DNAH6: variants seen among roughly 807,000 people sequenced by gnomAD.
DNAH6 encodes axonemal beta dynein heavy chain 6.
In DNAH6, 340 loss-of-function variants were observed where a neutral mutation model predicts 491.4. The observed-to-expected ratio is 0.69, with a 90% CI of 0.63 to 0.76. The LOEUF (loss-of-function observed/expected upper bound fraction) is 0.76, where lower values mean the gene tolerates loss of function less well. DNAH6 is among the 30% of genes least tolerant of loss of function. The probability of loss-of-function intolerance (pLI) is 0.00; values close to 1 mark genes in which losing one functional copy is unlikely to be tolerated. For missense variants in DNAH6, 4,443 were observed against 4,972.2 expected (o/e 0.89, Z 3.20); for synonymous variants, 1,603 against 1,686.1 (o/e 0.95, Z 1.21).
chr2:84,607,185 T>C, intron 21 of DNAH6, 90 bp downstream of exon 21: 14 of 1,287,118 alleles, frequency 1.1e-5, no homozygotes, highest in Non-Finnish European at 1.5e-5. Flanking sequence ...TTAAATATTA[T>C]ATGGTTTTAA....
intron 64 of DNAH6, chr2:84,778,259 G>C (rs551116615): frequency 3.5e-5 from 21 of 599,904 alleles, no homozygotes; most frequent in African/African-American, 3.3e-4. Context: ...AGGAATGCAT[G>C]TCCGGCGGGC....
chr2:84,583,893 C>T, intron 14 of DNAH6, 106 bp from the exon 15 acceptor site: 1 of 1,172,120 alleles, frequency 8.5e-7, no homozygotes, highest in Non-Finnish European at 1.2e-6. Context: ...GCAGAACAGA[C>T]TAATACAATG....
At position 84,621,228 on chromosome 2, in the gene DNAH6, T is replaced by C; in HGVS notation, c.3830T>C (p.Val1277Ala). 6.4e-7 allele frequency: 1 copy of C among 1,551,602 alleles called. No homozygotes were observed. The highest frequency in any genetic ancestry group is 8.7e-7 in the Non-Finnish European group (1 of 1,146,884). Residue 1277 changes from valine (V) to alanine (A), a missense_variant, in exon 25 of 77, where the codon GTA becomes GCA. Around this residue, in one of 3 missense-constraint regions of DNAH6, gnomAD observed 2,977 missense variants for 3,296.6 expected, o/e 0.90. Transcript: ENST00000389394. ...AAAGGCCTCAAGGCCCGAGGCAATG[T>C]AGAGGAATGGCTTGGTAAAGTGGAA... ...LGKGLKARGN[V>A]EEWLGKVEEA...
At chr2:84,583,853 C>A (rs1683282031) in intron 14 of DNAH6, 146 bp from the exon 15 acceptor site, 1 of 813,518 alleles carries the variant, frequency 1.2e-6, no homozygotes, top group African/African-American at 1.7e-5. Context: ...TATAAATTAC[C>A]CAGTCTTAGA....
intron 63 of DNAH6, among the ~76,000 whole-genome samples, chr2:84,760,889 G>A (rs916597541): frequency 2.6e-5 from 4 of 152,156 alleles, no homozygotes; most frequent in Non-Finnish European, 5.9e-5. Context: ...GGGATTACAG[G>A]CATGAGCCAC....
At chr2:84,747,568 G>A (rs545290735) in intron 63 of DNAH6, among the ~76,000 whole-genome samples, 1 of 152,300 alleles carries the variant, frequency 6.6e-6, no homozygotes, top group Admixed American at 6.5e-5. Context: ...GCCCTGCTGG[G>A]TTGTAGTTGA....
chr2:84,626,830 ACTC>A (rs1468144517), intron 29 of DNAH6, among the ~76,000 whole-genome samples: 1 of 150,196 alleles, frequency 6.7e-6, no homozygotes, highest in Non-Finnish European at 1.5e-5. Flanking sequence ...CTGGTCTTGA[ACTC>A]CTGACCTCGT....
chr2:84,544,159 T>TA (rs1678539487), intron 4 of DNAH6, 74 bp from the exon 5 acceptor site: 2 of 789,162 alleles, frequency 2.5e-6, no homozygotes, highest in African/African-American at 1.7e-5. Context: ...CTCTGTAGAA[T>TA]AAAAAAGCAA....
rs1559069890 is a variant in DNAH6, at chr2:84,812,334, C to T, written c.11740-7C>T. The T allele has an allele frequency of 3.2e-6, 5 of 1,547,568 alleles. No individual in the cohort carries two copies. The highest frequency in any genetic ancestry group is 4.0e-5 in the Admixed American group (2 of 49,958). ...AAAGGCCACCAACCCCTTTTTTGTT[C>T]TTTCAGACTTCTCTGGAAACACTCA... On this transcript the variant is annotated splice_polypyrimidine_tract_variant and splice_region_variant and intron_variant, in intron 72 of 76. Transcript: ENST00000389394.
intron 33 of DNAH6, among the ~76,000 whole-genome samples, chr2:84,645,289 C>T (rs1406847662): frequency 6.6e-6 from 1 of 152,148 alleles, no homozygotes; most frequent in Non-Finnish European, 1.5e-5. Context: ...CATGGTGGCA[C>T]ATGCCTGTAA....
the DNAH6 span, among the ~76,000 whole-genome samples, chr2:84,482,356 G>T: frequency 3.0e-4 from 46 of 152,202 alleles, no homozygotes; most frequent in Admixed American, 2.7e-3. Flanking sequence ...TTTTACAGTG[G>T]TATTGGAGCT....
At chr2:84,688,238 CAAAA>C (rs34421243) in intron 44 of DNAH6, among the ~76,000 whole-genome samples, 197 bp from the exon 45 acceptor site, 4 of 95,842 alleles carry the variant, frequency 4.2e-5, no homozygotes, top group African/African-American at 3.6e-5. Flanking sequence ...GACTCCATCT[CAAAA>C]AAAAAAAAAA....
chr2:84,656,926 A>T (rs1254448862), intron 35 of DNAH6, among the ~76,000 whole-genome samples: 4 of 151,998 alleles, frequency 2.6e-5, no homozygotes, highest in Admixed American at 1.3e-4. Context: ...GCCCAAAGTC[A>T]TGTAGATTTT....
intron 41 of DNAH6, among the ~76,000 whole-genome samples, chr2:84,678,942 T>C (rs1255917163): frequency 1.3e-5 from 2 of 152,192 alleles, no homozygotes; most frequent in Non-Finnish European, 2.9e-5. Flanking sequence ...AAGAACTTGC[T>C]CTAGGCCCAT....
In DNAH6 at chr2:84,549,903, A is replaced by T; in HGVS notation, c.1331A>T (p.Asn444Ile). The T allele has an allele frequency of 6.2e-7, 1 of 1,601,510 alleles. No individual in the cohort carries two copies. The highest frequency in any genetic ancestry group is 8.5e-7 in the Non-Finnish European group (1 of 1,174,182). The change falls in exon 9 of 77, where the codon AAC (asparagine) becomes ATC (isoleucine). Residue 444 changes from asparagine (N) to isoleucine (I), a missense_variant. Transcript: ENST00000389394. ...TTCTTTTCAAGCTTTATTCGTCTAA[A>T]CGACTATCTAATTGAGAACACAATG... ...CMRLTCFIRL[N>I]DYLIENTMHI...
chr2:84,798,133 T>C lies in DNAH6; in HGVS notation c.11481+475T>C, dbSNP rs531832389. On this transcript the variant is annotated intron_variant, in intron 70 of 76. Transcript: ENST00000389394. ...TTAAAAGCATGATCACAGTGCCAGATCATAACCCAGAGCAAACTGGGTTGT... is the reference window on the plus strand; with the variant it reads ...TTAAAAGCATGATCACAGTGCCAGACCATAACCCAGAGCAAACTGGGTTGT... Among the ~76,000 whole-genome samples the C allele has an allele frequency of 1.5e-3, 225 of 152,314 alleles. 2 individuals are homozygous for C. Among genetic ancestry groups the C allele is most frequent in the African/African-American group, 5.3e-3 (219 of 41,568 alleles).
At chr2:84,761,664 A>T (rs916458218) in intron 63 of DNAH6, among the ~76,000 whole-genome samples, 4 of 152,068 alleles carry the variant, frequency 2.6e-5, no homozygotes, top group African/African-American at 9.7e-5. Context: ...TCCTCACTTA[A>T]AGGAACAGGC....
chr2:84,505,697 A>G, the DNAH6 span, among the ~76,000 whole-genome samples: 4 of 152,074 alleles, frequency 2.6e-5, no homozygotes, highest in African/African-American at 9.7e-5. Context: ...TCCTAATGCT[A>G]TCCCTCCCCA....
chr2:84,735,407 A>G (rs1157783507), intron 62 of DNAH6, among the ~76,000 whole-genome samples: 1 of 152,168 alleles, frequency 6.6e-6, no homozygotes, highest in Non-Finnish European at 1.5e-5. Flanking sequence ...TTGGGTATAT[A>G]CCCAGTAATG....
Sources: allele counts gnomAD v4.1 joint callset (sites outside exome capture counted in the v4.1 genomes callset), GRCh38; gene constraint gnomAD v4.1.1; regional missense constraint gnomAD v4.1.1; transcripts MANE v1.5; gene names NCBI Gene and HGNC (gene_info 2026-07-23, HGNC 2026-07-21).